The following RNF144A variants were observed in gnomAD, a reference collection of about 807,000 sequenced individuals.
The protein encoded by RNF144A is ring finger protein 144A, also known as E3 ubiquitin-protein ligase RNF144A.
Under a neutral mutation model 38.7 loss-of-function variants are expected in RNF144A, and 11 were observed. The observed-to-expected ratio is 0.28, with a 90% confidence interval of 0.18 to 0.47. RNF144A has a LOEUF of 0.47. Ranked by LOEUF, RNF144A falls within the 20% of genes least tolerant of loss-of-function variation. The pLI is 0.99. For synonymous variants in RNF144A, 149 were observed against 143.9 expected, an observed-to-expected ratio of 1.04 and a Z score of -0.25; for missense variants, 316 against 377.2, an observed-to-expected ratio of 0.84 and a Z score of 1.34.
chr2:6,927,301 G>A (rs561878248), intron 1 of RNF144A, among the ~76,000 whole-genome samples: 1 of 152,356 alleles, frequency 6.6e-6, no homozygotes, highest in East Asian at 1.9e-4. Flanking sequence ...GCCGAGGGAA[G>A]CATTTCTTAT....
chr2:6,986,105 G>C (rs1456271273), intron 2 of RNF144A, among the ~76,000 whole-genome samples: 1 of 152,180 alleles, frequency 6.6e-6, no homozygotes, highest in East Asian at 1.9e-4. Context: ...CAGGTTTAGA[G>C]AAAGGATGGC....
intron 5 of RNF144A, among the ~76,000 whole-genome samples, chr2:7,015,828 T>G (rs190616318): frequency 1.6e-3 from 245 of 152,222 alleles, no homozygotes; most frequent in Middle Eastern, 3.4e-3. Flanking sequence ...GCACTGATTC[T>G]CGGGTTCTTG....
At chr2:6,954,226 G>A (rs115359901) in intron 2 of RNF144A, among the ~76,000 whole-genome samples, 1,756 of 151,318 alleles carry the variant, frequency 0.012, 37 homozygotes, top group African/African-American at 0.04. Flanking sequence ...CTTTTATGCC[G>A]TTTTCTGTTT....
chr2:7,050,818 T>A (rs1558465190), intron 6 of RNF144A, among the ~76,000 whole-genome samples: 1 of 152,140 alleles, frequency 6.6e-6, no homozygotes, highest in Non-Finnish European at 1.5e-5. Flanking sequence ...TGGAGGGGAA[T>A]GTCGAAGGGA....
intron 2 of RNF144A, among the ~76,000 whole-genome samples, chr2:6,953,816 G>T (rs1666834176): frequency 1.3e-5 from 2 of 152,082 alleles, no homozygotes; most frequent in South Asian, 4.1e-4. Context: ...TTGCATGTTT[G>T]CCATTTTAAA....
intron 3 of RNF144A, among the ~76,000 whole-genome samples, chr2:7,005,906 T>C (rs908848617): frequency 6.7e-6 from 1 of 149,570 alleles, no homozygotes; most frequent in Admixed American, 6.7e-5. Context: ...GCTCCTTGCA[T>C]ATCTGCCACT....
intron 1 of RNF144A, among the ~76,000 whole-genome samples, chr2:6,936,681 T>C (rs964953407): frequency 6.6e-6 from 1 of 152,226 alleles, no homozygotes; most frequent in African/African-American, 2.4e-5. Flanking sequence ...CAGGTTATTC[T>C]GAACCATTGA....
intron 2 of RNF144A, among the ~76,000 whole-genome samples, chr2:6,942,386 G>A (rs145380622): frequency 2.6e-4 from 39 of 151,852 alleles, no homozygotes; most frequent in Non-Finnish European, 3.2e-4. Flanking sequence ...TGGAGAGGGC[G>A]GAGGACAAGA....
At chr2:6,968,971 A>G (rs1426298072) in intron 2 of RNF144A, among the ~76,000 whole-genome samples, 1 of 152,270 alleles carries the variant, frequency 6.6e-6, no homozygotes, top group East Asian at 1.9e-4. Flanking sequence ...TCAAGAGCGC[A>G]GCATGTGGTC....
At chr2:6,966,185 T>C (rs1667656508) in intron 2 of RNF144A, among the ~76,000 whole-genome samples, 4 of 152,252 alleles carry the variant, frequency 2.6e-5, no homozygotes, top group African/African-American at 9.6e-5. Flanking sequence ...ATTCTCCAAA[T>C]GTTGGATGTT....
At chr2:6,920,793 A>C (rs1664494325) in intron 1 of RNF144A, among the ~76,000 whole-genome samples, 1 of 152,178 alleles carries the variant, frequency 6.6e-6, no homozygotes, top group Non-Finnish European at 1.5e-5. Flanking sequence ...ACCCTTTCTT[A>C]GTTAGATGAA....
chr2:7,021,461 T>C (rs1671528066), intron 6 of RNF144A, among the ~76,000 whole-genome samples: 1 of 152,032 alleles, frequency 6.6e-6, no homozygotes, highest in Admixed American at 6.5e-5. Context: ...CCCCCGACCC[T>C]CTCAGGGTCC....
chr2:7,017,351 G>A (rs1671210106), intron 5 of RNF144A, among the ~76,000 whole-genome samples: 1 of 149,876 alleles, frequency 6.7e-6, no homozygotes, highest in Admixed American at 6.7e-5. Flanking sequence ...AGCTCAGAGA[G>A]ATTAAATAAT....
chr2:6,996,975 C>A lies in RNF144A; in HGVS notation c.49C>A (p.Leu17Met), dbSNP rs1272393901. ...RPTWDLALDPLVSCKLCLGEY... is the reference protein window; with the variant it reads ...RPTWDLALDPMVSCKLCLGEY... Reference sequence around the variant, plus strand: ...CACCTGGGACCTGGCCCTCGACCCGCTGGTGTCTTGCAAGCTCTGTCTTGG... The same window carrying A: ...CACCTGGGACCTGGCCCTCGACCCGATGGTGTCTTGCAAGCTCTGTCTTGG... The change falls in exon 3 of 9, where the codon CTG (leucine) becomes ATG (methionine). Residue 17 changes from leucine (L) to methionine (M), a missense_variant. Transcript: ENST00000320892. 1.2e-6 allele frequency: 2 copies of A among 1,613,978 alleles called. No individual in the cohort carries two copies. The highest frequency in any genetic ancestry group is 2.7e-5 in the African/African-American group (2 of 74,942).
chr2:6,962,471 G>A lies in RNF144A; in HGVS notation c.-12+21324G>A, dbSNP rs1182420649. Among the ~76,000 whole-genome samples, 1 of 152,096 alleles carries A rather than the reference G, an allele frequency of 6.6e-6. No individual in the cohort carries two copies. The highest frequency in any genetic ancestry group is 2.4e-5 in the African/African-American group (1 of 41,410). On this transcript the variant is annotated intron_variant, in intron 2 of 8. Transcript: ENST00000320892. The surrounding 1 kb of genome is among the most constrained non-coding windows in gnomAD (Gnocchi z 4.1). ...TCTTTGTTACAAGAGAAATGATTTT[G>A]GGAGGTTGCTTTTTGTTAGAAGGGA...
chr2:7,074,911 C>T, the RNF144A span, among the ~76,000 whole-genome samples: 1 of 152,144 alleles, frequency 6.6e-6, no homozygotes, highest in Non-Finnish European at 1.5e-5. Flanking sequence ...CAAAGAATGA[C>T]ATGGAAGAGG....
intron 3 of RNF144A, among the ~76,000 whole-genome samples, chr2:7,004,970 G>A (rs908104604): frequency 6.6e-6 from 1 of 152,216 alleles, no homozygotes; most frequent in African/African-American, 2.4e-5. Context: ...CTTAAGGCAG[G>A]TAAGAGTGAG....
At chr2:6,928,784 C>T (rs930153760) in intron 1 of RNF144A, among the ~76,000 whole-genome samples, 1 of 152,218 alleles carries the variant, frequency 6.6e-6, no homozygotes, top group Admixed American at 6.5e-5. Flanking sequence ...CCTCTGTGGT[C>T]GAGGGCTTCC....
intron 6 of RNF144A, among the ~76,000 whole-genome samples, chr2:7,057,312 C>G (rs1673780020): frequency 6.6e-6 from 1 of 152,202 alleles, no homozygotes; most frequent in Non-Finnish European, 1.5e-5. Context: ...CTCTTAGAGG[C>G]TCAATAAATA....
Sources: gnomAD v4.1 joint callset for allele counts (sites outside exome capture counted in the v4.1 genomes callset) on GRCh38, gnomAD v4.1.1 for gene constraint, Gnocchi (gnomAD v3.1) non-coding constraint, MANE v1.5 for transcripts, NCBI Gene and HGNC (gene_info 2026-07-23, HGNC 2026-07-21) for gene names.